The following TOPAZ1 variants were observed in gnomAD, a reference collection of about 807,000 sequenced individuals.
TOPAZ1 encodes the protein protein TOPAZ1.
TOPAZ1 carries 66 observed loss-of-function variants against 172.2 expected under a neutral mutation model. That is an observed-to-expected ratio of 0.38 (90% CI 0.31 to 0.47). TOPAZ1 has a LOEUF of 0.47. Among genes scored for constraint, TOPAZ1 ranks in the 20% least tolerant of loss-of-function variants. TOPAZ1 has a pLI of 0.99. For missense variants in TOPAZ1, 1,822 were observed against 1,972.4 expected, an observed-to-expected ratio of 0.92 and a Z score of 1.44; for synonymous variants, 681 against 683.9, an observed-to-expected ratio of 1.00 and a Z score of 0.07.
chr3:44,257,660 G>C (rs1013980941), intron 4 of TOPAZ1, among the ~76,000 whole-genome samples: 13 of 151,624 alleles, frequency 8.6e-5, no homozygotes, highest in Non-Finnish European at 1.3e-4. Flanking sequence ...TTTTGAAATA[G>C]AGATTCACAG....
At chr3:44,268,907 C>T (rs1699862645) in intron 6 of TOPAZ1, among the ~76,000 whole-genome samples, 1 of 152,136 alleles carries the variant, frequency 6.6e-6, no homozygotes, top group Admixed American at 6.5e-5. Flanking sequence ...TAATATTTGT[C>T]TATTTAACTT....
intron 16 of TOPAZ1, among the ~76,000 whole-genome samples, chr3:44,315,372 C>CT (rs1035500005): frequency 2.5e-4 from 37 of 148,830 alleles, no homozygotes; most frequent in Admixed American, 6.7e-4. Context: ...TTTTCTTTCT[C>CT]TTTTTTTTTT....
intron 12 of TOPAZ1, among the ~76,000 whole-genome samples, chr3:44,301,727 T>G (rs1214831065): frequency 6.6e-6 from 1 of 152,194 alleles, no homozygotes; most frequent in Non-Finnish European, 1.5e-5. Context: ...TCTTAAACTT[T>G]TAGAGTTCTT....
chr3:44,290,925 G>A (rs1284355413), intron 12 of TOPAZ1, 39 bp downstream of exon 12: 15 of 1,310,342 alleles, frequency 1.1e-5, no homozygotes, highest in Non-Finnish European at 1.6e-5. Flanking sequence ...AAATATATGT[G>A]TCTTGGTGGG....
chr3:44,297,169 C>CA (rs35773194), intron 12 of TOPAZ1, among the ~76,000 whole-genome samples: 206 of 135,518 alleles, frequency 1.5e-3, no homozygotes, highest in African/African-American at 2.2e-3. Context: ...AAGTCTGTCT[C>CA]AAAAAAAAAA....
chr3:44,314,280 T>C (rs1700428997), intron 16 of TOPAZ1, among the ~76,000 whole-genome samples: 1 of 152,202 alleles, frequency 6.6e-6, no homozygotes, highest in Admixed American at 6.5e-5. Flanking sequence ...CCTTACTTTT[T>C]TGTGAATTGC....
At chr3:44,269,469 A>ATTTTTTTTTT (rs1559531943) in intron 7 of TOPAZ1, among the ~76,000 whole-genome samples, 168 bp downstream of exon 7, 4 of 32,860 alleles carry the variant, frequency 1.2e-4, no homozygotes, top group African/African-American at 5.3e-4. Context: ...TTTCCCTATC[A>ATTTTTTTTTT]TCTTTTTTTT....
chr3:44,317,787 C>T (rs1032276606), intron 16 of TOPAZ1, among the ~76,000 whole-genome samples: 5 of 152,176 alleles, frequency 3.3e-5, no homozygotes, highest in Non-Finnish European at 5.9e-5. Context: ...ATTAAGCCCA[C>T]TAGTAAACTG....
chr3:44,291,433 T>C (rs548039549), intron 12 of TOPAZ1, among the ~76,000 whole-genome samples: 1 of 151,458 alleles, frequency 6.6e-6, no homozygotes, highest in East Asian at 2.0e-4. Context: ...AAACCCCATA[T>C]CTACTAAAAA....
At chr3:44,305,011 T>C in intron 13 of TOPAZ1, 136 bp from the exon 14 acceptor site, 1 of 618,434 alleles carries the variant, frequency 1.6e-6, no homozygotes, top group Non-Finnish European at 2.7e-6. Context: ...GGTAAGCTTA[T>C]AAGATGTGCA....
At chr3:44,242,505 T>G (rs1650333839) in intron 1 of TOPAZ1, 106 bp downstream of exon 1, 1 of 1,182,232 alleles carries the variant, frequency 8.5e-7, no homozygotes, top group African/African-American at 1.6e-5. Context: ...TTATTTCTGA[T>G]GCACATAGTT....
At chr3:44,260,126 TG>T (rs1434572632) in intron 4 of TOPAZ1, among the ~76,000 whole-genome samples, 1 of 152,180 alleles carries the variant, frequency 6.6e-6, no homozygotes, top group Non-Finnish European at 1.5e-5. Context: ...CTTCACCTTG[TG>T]TAAGTTTCCT....
chr3:44,336,354 T>C (rs972609393), downstream of TOPAZ1, among the ~76,000 whole-genome samples: 9 of 152,240 alleles, frequency 5.9e-5, no homozygotes, highest in African/African-American at 2.2e-4. Flanking sequence ...GGGTTTTCCA[T>C]CAATATCCAT....
Position 44,304,872 on chromosome 3 carries a change from G to A in TOPAZ1, c.3865-275G>A, listed in dbSNP as rs1380251808. Among the ~76,000 whole-genome samples the A allele has an allele frequency of 2.0e-5, 3 of 152,266 alleles. No homozygotes were observed. In the East Asian group the frequency reaches 5.8e-4, roughly 29 times the overall value. On this transcript the variant is annotated intron_variant, in intron 13 of 19. Transcript: ENST00000309765. ...CACTGTCAGGTTCAGTTTTGGGGGT[G>A]AATACAGTTAAATACTTTAAGACCT...
chr3:44,288,700 C>A (rs1469475086), intron 11 of TOPAZ1, among the ~76,000 whole-genome samples: 1 of 152,098 alleles, frequency 6.6e-6, no homozygotes, highest in Non-Finnish European at 1.5e-5. Flanking sequence ...TTACTGATAA[C>A]CCGTAGAGGT....
intron 12 of TOPAZ1, among the ~76,000 whole-genome samples, chr3:44,300,654 A>G (rs529403111): frequency 6.6e-6 from 1 of 152,126 alleles, no homozygotes; most frequent in Non-Finnish European, 1.5e-5. Context: ...ACTGGATCAT[A>G]TGCTGTTAGT....
chr3:44,295,444 C>T (rs1017726832), intron 12 of TOPAZ1, among the ~76,000 whole-genome samples: 33 of 152,064 alleles, frequency 2.2e-4, no homozygotes, highest in Admixed American at 2.2e-3. Flanking sequence ...TATAAATACA[C>T]TAATTAAAGG....
intron 8 of TOPAZ1, among the ~76,000 whole-genome samples, chr3:44,281,349 G>C (rs1369272905): frequency 1.3e-5 from 2 of 152,184 alleles, no homozygotes; most frequent in African/African-American, 4.8e-5. Flanking sequence ...ATGGTAGTCA[G>C]AAACCCCTTT....
chr3:44,242,059 A>G lies in TOPAZ1; in HGVS notation c.6A>G (p.Arg2=). The change falls in exon 1 of 20, where the codon CGA becomes CGG. Residue 2 remains arginine (R), a synonymous_variant. Transcript: ENST00000309765. M[R]RPPPLGPTTA... ...GCGGGCCGGCCCCGGGGCACATGCG[A>G]CGACCTCCACCCCTGGGCCCCACGA... The G allele has an allele frequency of 6.5e-7, 1 of 1,544,084 alleles. No homozygotes were observed. Among genetic ancestry groups the G allele is most frequent in the Non-Finnish European group, 8.7e-7 (1 of 1,146,110 alleles).
Sources: gnomAD v4.1 joint callset for allele counts (sites outside exome capture counted in the v4.1 genomes callset) on GRCh38, gnomAD v4.1.1 for gene constraint, MANE v1.5 for transcripts, NCBI Gene and HGNC (gene_info 2026-07-23, HGNC 2026-07-21) for gene names.